The following C2orf74 variants were observed in gnomAD, a reference collection of about 807,000 sequenced individuals.
C2orf74 encodes the protein uncharacterized protein C2orf74.
In C2orf74, 14 loss-of-function variants were observed where a neutral mutation model predicts 17.9. The observed-to-expected ratio is 0.78, with a 90% confidence interval of 0.52 to 1.22. C2orf74 has a LOEUF of 1.22. C2orf74 is among the 50% of genes most tolerant of loss of function. The pLI is 0.00. For synonymous variants in C2orf74, 79 were observed against 72.6 expected (o/e 1.09, Z -0.44); for missense variants, 217 against 218.4 (o/e 0.99, Z 0.04).
At chr2:61,161,169 A>AT (rs919782503), upstream of C2orf74, among the ~76,000 whole-genome samples, 18 of 152,014 alleles carry the variant, frequency 1.2e-4, no homozygotes, top group Non-Finnish European at 2.9e-5. Flanking sequence ...GTTGTTGAAC[A>AT]TTTTTTTCAT....
chr2:61,159,953 C>T (rs11887475), upstream of C2orf74, among the ~76,000 whole-genome samples: 1,487 of 152,306 alleles, frequency 9.8e-3, 27 homozygotes, highest in African/African-American at 0.033. Context: ...AATTGAAACT[C>T]TACAGCCATT....
chr2:61,162,631 TG>T, intron 2 of C2orf74, 22 bp downstream of exon 2: 1 of 1,408,600 alleles, frequency 7.1e-7, no homozygotes, highest in Non-Finnish European at 9.8e-7. Flanking sequence ...TGCTGATAAT[TG>T]GGATCAGATT....
intron 1 of C2orf74, among the ~76,000 whole-genome samples, chr2:61,152,886 T>C (rs991379030): frequency 1.4e-5 from 2 of 144,460 alleles, no homozygotes; most frequent in Non-Finnish European, 3.0e-5. Flanking sequence ...GCGCGCGCGG[T>C]GGCTCGCGCC....
chr2:61,148,529 GT>G (rs1413645162), intron 1 of C2orf74, among the ~76,000 whole-genome samples: 2 of 152,108 alleles, frequency 1.3e-5, no homozygotes, highest in East Asian at 1.9e-4. Context: ...TGTTTTACTT[GT>G]TTTGGAAATA....
intron 3 of C2orf74, 30 bp downstream of exon 3, chr2:61,162,985 C>T (rs1685612075): frequency 6.4e-7 from 1 of 1,551,614 alleles, no homozygotes; most frequent in Non-Finnish European, 8.7e-7. Context: ...TGGCAGAGGC[C>T]ATTTTGTGTT....
At chr2:61,156,363 C>A (rs891100696) in intron 1 of C2orf74, among the ~76,000 whole-genome samples, 15 of 151,786 alleles carry the variant, frequency 9.9e-5, no homozygotes, top group Non-Finnish European at 1.3e-4. Flanking sequence ...CATGGCAAAA[C>A]TCTGTCTCTT....
intron 1 of C2orf74, among the ~76,000 whole-genome samples, chr2:61,150,174 C>T (rs989434517): frequency 4.6e-5 from 7 of 152,158 alleles, no homozygotes; most frequent in African/African-American, 1.2e-4. Flanking sequence ...CTCCCTTAGG[C>T]CAAGAGTCAG....
intron 1 of C2orf74, among the ~76,000 whole-genome samples, chr2:61,153,706 T>C (rs1685309575): frequency 6.7e-6 from 1 of 148,738 alleles, no homozygotes; most frequent in Non-Finnish European, 1.5e-5. Context: ...CAGGCCAACA[T>C]GGTGAAACCC....
chr2:61,148,554 T>A (rs1397773810), intron 1 of C2orf74, among the ~76,000 whole-genome samples: 1 of 152,228 alleles, frequency 6.6e-6, no homozygotes, highest in Non-Finnish European at 1.5e-5. Context: ...GATAGTTTTT[T>A]AACTAATTTT....
upstream of C2orf74, among the ~76,000 whole-genome samples, chr2:61,157,654 A>G (rs1685431181): frequency 6.6e-6 from 1 of 152,146 alleles, no homozygotes; most frequent in Non-Finnish European, 1.5e-5. Flanking sequence ...GCTTTCTTCC[A>G]TGCTGGAAGT....
chr2:61,162,394 C>CT, intron 1 of C2orf74, 22 bp from the exon 2 acceptor site: 4 of 741,142 alleles, frequency 5.4e-6, no homozygotes, highest in Non-Finnish European at 8.9e-6. Flanking sequence ...AAGAAAACAG[C>CT]TTTTTATTCC....
upstream of C2orf74, chr2:61,157,915 G>A (rs774942651): frequency 2.3e-5 from 11 of 471,148 alleles, no homozygotes; most frequent in Middle Eastern, 3.3e-4. Context: ...GGGGATTCAC[G>A]TATGCCCTGG....
At position 61,162,542 on chromosome 2, in the gene C2orf74, T is replaced by G. The variant is rs1222937598; in HGVS notation, c.28T>G (p.Phe10Val). Residue 10 changes from phenylalanine (F) to valine (V), a missense_variant, in exon 2 of 5, where the codon TTC becomes GTC. Transcript: ENST00000432605. ...GAGCTTTGAAACCACAGCAATCACTTTCTTCATCATCCTTCTAATTTGCCT... is the reference window on the plus strand; with the variant it reads ...GAGCTTTGAAACCACAGCAATCACTGTCTTCATCATCCTTCTAATTTGCCT... MSFETTAIT[F>V]FIILLICLIC... The G allele has an allele frequency of 1.3e-5, 20 of 1,551,640 alleles. No homozygotes were observed. The highest frequency in any genetic ancestry group is 1.7e-5 in the Non-Finnish European group (19 of 1,146,956).
At position 61,162,399 on chromosome 2, in the gene C2orf74, T is replaced by A; in HGVS notation, c.-99-17T>A. On this transcript the variant is annotated splice_polypyrimidine_tract_variant and intron_variant, in intron 1 of 4. Coordinates refer to ENST00000432605, the MANE Select transcript of C2orf74 (RefSeq NM_001143959.4). ...AAGAACAACAAAGAAAACAGCTTTT[T>A]ATTCCTCTGTTTCTAGAAAACTTAA... The A allele has an allele frequency of 1.0e-5, 8 of 768,066 alleles. 2 individuals carry two copies. The South Asian group carries it at 1.4e-4, about 14-fold the overall frequency. 47.6% of individuals were successfully genotyped at this position (768,066 alleles called of 1,614,324 possible).
intron 1 of C2orf74, among the ~76,000 whole-genome samples, chr2:61,153,198 G>A (rs756427329): frequency 9.9e-5 from 15 of 151,886 alleles, no homozygotes; most frequent in Non-Finnish European, 2.2e-4. Flanking sequence ...ATAAATGAAG[G>A]GAAAATAGAA....
At chr2:61,153,304 G>T (rs1371026302) in intron 1 of C2orf74, among the ~76,000 whole-genome samples, 1 of 151,872 alleles carries the variant, frequency 6.6e-6, no homozygotes, top group African/African-American at 2.4e-5. Flanking sequence ...TTTTTGAGAC[G>T]GAGTCTCGCT....
intron 1 of C2orf74, among the ~76,000 whole-genome samples, chr2:61,145,964 G>A (rs1685057873): frequency 6.6e-6 from 1 of 152,234 alleles, no homozygotes; most frequent in Non-Finnish European, 1.5e-5. Context: ...AGTAGGAGCA[G>A]AATGCAGCAA....
At chr2:61,164,242 T>C in intron 4 of C2orf74, 112 bp from the exon 5 acceptor site, 2 of 867,120 alleles carry the variant, frequency 2.3e-6, no homozygotes, top group East Asian at 5.9e-5. Context: ...CTATATCATT[T>C]AGAAATGCTT....
At chr2:61,148,023 C>T (rs1685122645) in intron 1 of C2orf74, among the ~76,000 whole-genome samples, 1 of 151,290 alleles carries the variant, frequency 6.6e-6, no homozygotes, top group African/African-American at 2.4e-5. Context: ...CCTGCCTTGG[C>T]TTCACAAAGT....
Sources: allele counts gnomAD v4.1 joint callset (sites outside exome capture counted in the v4.1 genomes callset), GRCh38; gene constraint gnomAD v4.1.1; transcripts MANE v1.5; gene names NCBI Gene and HGNC (gene_info 2026-07-23, HGNC 2026-07-21).